Variants in CHRDL1 observed in about 807,000 individuals in gnomAD.
CHRDL1 encodes chordin-like protein 1.
CHRDL1 carries 19 observed loss-of-function variants against 40.9 expected under a neutral mutation model. The observed-to-expected ratio is 0.46, with a 90% CI of 0.32 to 0.68. The LOEUF is 0.68. Among genes scored for constraint, CHRDL1 ranks in the 30% least tolerant of loss-of-function variants. The probability of loss-of-function intolerance (pLI) is 0.03; values close to 1 mark genes in which losing one functional copy is unlikely to be tolerated. For missense variants in CHRDL1, 329 were observed against 352.1 expected, an observed-to-expected ratio of 0.93 and a Z score of 0.53; for synonymous variants, 136 against 123.4, an observed-to-expected ratio of 1.10 and a Z score of -0.68.
intron 6 of CHRDL1, among the ~76,000 whole-genome samples, chrX:110,706,055 T>C (rs1014596334): frequency 9.0e-6 from 1 of 111,047 alleles, no homozygotes; most frequent in Admixed American, 9.7e-5. Flanking sequence ...TATAAGTGGT[T>C]CTCTAGACCT....
At position 110,792,231 on chromosome X, in the gene CHRDL1, C is replaced by A. The variant is rs1333063216; in HGVS notation, c.-34-16G>T. 2.7e-6 allele frequency: 2 copies of A among 748,420 alleles called. No individual in the cohort carries two copies. Among genetic ancestry groups the A allele is most frequent in the African/African-American group, 2.1e-5 (1 of 47,307 alleles). 61.7% of individuals were successfully genotyped at this position (748,420 alleles called of 1,213,427 possible). A position where few individuals can be genotyped will look rare whatever the true frequency, so the allele number is the denominator to read the frequency against. On this transcript the variant is annotated splice_polypyrimidine_tract_variant and intron_variant, in intron 1 of 11. Coordinates refer to ENST00000372042, the MANE Select transcript of CHRDL1 (RefSeq NM_001143981.2). The stretch of plus-strand genomic sequence containing the variant: ...AACCTTCAAGCTGTTGGGAAGAAAG[C>A]AGAAAAAAGACTTAACACAGATCTT...
chrX:110,677,780 C>T (rs1401552342), intron 11 of CHRDL1, among the ~76,000 whole-genome samples: 3 of 111,790 alleles, frequency 2.7e-5, no homozygotes, highest in Non-Finnish European at 5.6e-5. Context: ...GCTCAGATGG[C>T]TCTTAAGCAT....
intron 4 of CHRDL1, among the ~76,000 whole-genome samples, chrX:110,758,793 G>T (rs2089506525): frequency 8.9e-6 from 1 of 111,998 alleles, no homozygotes; most frequent in Admixed American, 9.5e-5. Context: ...ACCAAAAACT[G>T]CAAGCAATTT....
rs965701438 is a variant in CHRDL1 at position 110,702,720 on chromosome X, C to T, written c.542-1999G>A. On this transcript the variant is annotated intron_variant, in intron 6 of 11. Transcript: ENST00000372042. ...ACCACCCTATCTATAGTTCCAACCCCCATCTGATATTTATGCCTGCTCTTT... is the reference window on the plus strand; with the variant it reads ...ACCACCCTATCTATAGTTCCAACCCTCATCTGATATTTATGCCTGCTCTTT... Among the ~76,000 whole-genome samples, 4 of 111,866 alleles carry T rather than the reference C, an allele frequency of 3.6e-5. No individual in the cohort carries two copies. The Admixed American group carries it at 3.8e-4, about 11-fold the overall frequency.
intron 2 of CHRDL1, among the ~76,000 whole-genome samples, chrX:110,772,966 G>T (rs896740696): frequency 2.7e-5 from 3 of 112,361 alleles, no homozygotes. Context: ...ACAAACAGGA[G>T]AATATCTTTG....
intron 6 of CHRDL1, among the ~76,000 whole-genome samples, chrX:110,705,294 T>C (rs867742316): frequency 1.1e-5 from 1 of 87,240 alleles, no homozygotes; most frequent in Non-Finnish European, 2.1e-5. Flanking sequence ...TATATATATA[T>C]ATATATATAT....
chrX:110,748,445 G>A (rs1428110369), intron 4 of CHRDL1, among the ~76,000 whole-genome samples: 2 of 111,883 alleles, frequency 1.8e-5, no homozygotes, highest in African/African-American at 3.3e-5. Context: ...TAAGGAACAC[G>A]TCTTTCAAAA....
intron 2 of CHRDL1, among the ~76,000 whole-genome samples, chrX:110,767,792 T>C (rs1006478654): frequency 2.7e-5 from 3 of 110,537 alleles, no homozygotes; most frequent in Admixed American, 9.6e-5. Context: ...ATTGTGAAAA[T>C]GACCATACTG....
intron 2 of CHRDL1, among the ~76,000 whole-genome samples, chrX:110,784,361 G>T (rs2089985927): frequency 8.9e-6 from 1 of 112,030 alleles, no homozygotes; most frequent in Admixed American, 9.4e-5. Context: ...CCTTCATTCA[G>T]AAGTTAATTA....
intron 3 of CHRDL1, among the ~76,000 whole-genome samples, chrX:110,762,272 C>T (rs938319478): frequency 9.0e-6 from 1 of 111,622 alleles, no homozygotes; most frequent in Non-Finnish European, 1.9e-5. Flanking sequence ...CAATCGTCTT[C>T]TTACTTTCTT....
chrX:110,715,791 T>G (rs1280478767), intron 6 of CHRDL1, among the ~76,000 whole-genome samples: 1 of 112,721 alleles, frequency 8.9e-6, no homozygotes, highest in Non-Finnish European at 1.9e-5. Flanking sequence ...AGTGACCAAC[T>G]GGTTATATTA....
chrX:110,747,146 T>C (rs1376624966), intron 4 of CHRDL1, among the ~76,000 whole-genome samples: 1 of 110,722 alleles, frequency 9.0e-6, no homozygotes, highest in African/African-American at 3.3e-5. Context: ...AAGGGGTTCC[T>C]GACCAGCCTG....
rs757797731 is a variant in CHRDL1 at position 110,694,112 on chromosome X, G to C, written c.778+51C>G. Reference sequence around the variant, plus strand: ...CCCAGCTCCAGCCCTGCAAAGACCAGGGCTGCTGAAGCCTTGTTGTGGAAG... The same window carrying C: ...CCCAGCTCCAGCCCTGCAAAGACCACGGCTGCTGAAGCCTTGTTGTGGAAG... On this transcript the variant is annotated intron_variant, in intron 8 of 11. Transcript: ENST00000372042. The C allele has an allele frequency of 2.8e-5, 29 of 1,033,196 alleles. No individual in the cohort carries two copies. The African/African-American group carries it at 4.9e-4, about 17-fold the overall frequency. 85.1% of individuals were successfully genotyped at this position (1,033,196 alleles called of 1,213,427 possible).
At chrX:110,708,402 A>T (rs2070686572) in intron 6 of CHRDL1, among the ~76,000 whole-genome samples, 1 of 111,437 alleles carries the variant, frequency 9.0e-6, no homozygotes, top group Admixed American at 9.5e-5. Flanking sequence ...AATGCCCATC[A>T]ATGATAGATG....
chrX:110,755,805 G>C (rs2089443269), intron 4 of CHRDL1, among the ~76,000 whole-genome samples: 2 of 111,777 alleles, frequency 1.8e-5, no homozygotes, highest in Non-Finnish European at 3.8e-5. Context: ...GGCCCTGAAG[G>C]CATGAGTTTC....
At chrX:110,765,438 T>G (rs1014056810) in intron 2 of CHRDL1, among the ~76,000 whole-genome samples, 1 of 112,413 alleles carries the variant, frequency 8.9e-6, no homozygotes, top group Admixed American at 9.4e-5. Flanking sequence ...GTTTCAGGTC[T>G]TAGGTTTAAG....
rs1383810249 is a variant in CHRDL1 at position 110,674,814 on chromosome X, C to T, written c.*1417G>A. ...TTCCTGCCCCTCAGAGGGAACAAAT[C>T]TAGAAGGCATGCCTGAGATCCTTGC... On this transcript the variant is annotated 3_prime_UTR_variant, in exon 12 of 12. Coordinates refer to ENST00000372042, the MANE Select transcript of CHRDL1 (RefSeq NM_001143981.2). The T allele has an allele frequency of 8.9e-6, 1 of 112,211 alleles. No individual in the cohort carries two copies. Among genetic ancestry groups the T allele is most frequent in the Admixed American group, 9.5e-5 (1 of 10,581 alleles). The allele number at this position is 112,211 out of a possible 1,213,427, so 9.2% of individuals were successfully genotyped here. A position where few individuals can be genotyped will look rare whatever the true frequency, so the allele number is the denominator to read the frequency against.
At chrX:110,717,443 G>A (rs928913696) in intron 6 of CHRDL1, among the ~76,000 whole-genome samples, 1 of 111,727 alleles carries the variant, frequency 9.0e-6, no homozygotes, top group South Asian at 3.8e-4. Context: ...TATCAGAGTC[G>A]GGGGTTGACA....
intron 4 of CHRDL1, among the ~76,000 whole-genome samples, chrX:110,759,323 T>C (rs1418948311): frequency 8.9e-6 from 1 of 112,153 alleles, no homozygotes; most frequent in African/African-American, 3.2e-5. Context: ...CATGCCGCCA[T>C]GCTGCAACTC....
Sources: gnomAD v4.1 joint callset for allele counts (sites outside exome capture counted in the v4.1 genomes callset) on GRCh38, gnomAD v4.1.1 for gene constraint, MANE v1.5 for transcripts, NCBI Gene and HGNC (gene_info 2026-07-23, HGNC 2026-07-21) for gene names.